FGF14: variants seen among roughly 807,000 people sequenced by gnomAD.
FGF14 encodes the protein fibroblast growth factor homologous factor 4.
A neutral mutation model predicts 25.5 loss-of-function variants in FGF14; 5 were observed. The observed-to-expected ratio is 0.20, with a 90% confidence interval of 0.10 to 0.41. The LOEUF is 0.41. Ranked by LOEUF, FGF14 falls within the 10% of genes least tolerant of loss-of-function variation. The pLI is 1.00. For synonymous variants in FGF14, 138 were observed against 118.3 expected (o/e 1.17, Z -1.08); for missense variants, 222 against 320.1 (o/e 0.69, Z 2.34).
At chr13:101,762,277 C>CTT in intron 3 of FGF14, among the ~76,000 whole-genome samples, 1 of 152,136 alleles carries the variant, frequency 6.6e-6, no homozygotes, top group Non-Finnish European at 1.5e-5. Flanking sequence ...TAGCAAGACA[C>CTT]AAATATGAAA....
At chr13:101,762,472 TCTCA>T (rs1020388301) in intron 3 of FGF14, among the ~76,000 whole-genome samples, 1 of 152,214 alleles carries the variant, frequency 6.6e-6, no homozygotes, top group Non-Finnish European at 1.5e-5. Flanking sequence ...TAATTGTCCT[TCTCA>T]CTCTATCTGC....
At chr13:102,358,711 GA>G (rs1458685947) in intron 1 of FGF14, among the ~76,000 whole-genome samples, 1 of 152,146 alleles carries the variant, frequency 6.6e-6, no homozygotes, top group Non-Finnish European at 1.5e-5. Flanking sequence ...TAAAGATAAT[GA>G]AGATATTGGA....
intron 3 of FGF14, among the ~76,000 whole-genome samples, chr13:101,844,156 T>TA (rs1361112309): frequency 3.3e-5 from 5 of 152,018 alleles, no homozygotes; most frequent in African/African-American, 7.2e-5. Flanking sequence ...CTGAAGCCTC[T>TA]AAAATGCAAC....
intron 1 of FGF14, among the ~76,000 whole-genome samples, chr13:102,325,073 A>G (rs1358131881): frequency 6.6e-6 from 1 of 152,172 alleles, no homozygotes; most frequent in East Asian, 1.9e-4. Flanking sequence ...CCTTGCAATC[A>G]TAGCACATCA....
intron 1 of FGF14, among the ~76,000 whole-genome samples, chr13:102,130,309 G>C (rs1356258957): frequency 6.6e-6 from 1 of 152,142 alleles, no homozygotes; most frequent in Non-Finnish European, 1.5e-5. Context: ...GTGGCTCCAG[G>C]GAAGCTGGGT....
chr13:101,781,614 C>T (rs1455231954), intron 3 of FGF14, among the ~76,000 whole-genome samples: 1 of 152,044 alleles, frequency 6.6e-6, no homozygotes, highest in Admixed American at 6.5e-5. Context: ...AGAGCTGAAG[C>T]CTCTGATTTT....
intron 3 of FGF14, chr13:101,801,868 TAC>T (rs910346844): frequency 8.3e-5 from 28 of 336,504 alleles, no homozygotes; most frequent in Admixed American, 3.0e-4. Context: ...AGCAAAACAG[TAC>T]AGTCAGGATG....
chr13:101,925,334 T>G (rs1007767020), intron 1 of FGF14, among the ~76,000 whole-genome samples: 10 of 152,170 alleles, frequency 6.6e-5, no homozygotes, highest in African/African-American at 2.4e-4. Flanking sequence ...ACCATACACT[T>G]TAATTATATG....
intron 1 of FGF14, among the ~76,000 whole-genome samples, chr13:102,379,805 T>G (rs957715437): frequency 1.3e-5 from 2 of 152,144 alleles, no homozygotes; most frequent in African/African-American, 4.8e-5. Flanking sequence ...AGAAAATATT[T>G]TTTGCTATCA....
intron 1 of FGF14, among the ~76,000 whole-genome samples, chr13:102,307,927 C>T (rs2055489361): frequency 6.6e-6 from 1 of 152,016 alleles, no homozygotes; most frequent in South Asian, 2.1e-4. Context: ...CCAATAGCAC[C>T]CCATTTTCAG....
At chr13:102,068,484 G>T (rs71441536) in intron 1 of FGF14, among the ~76,000 whole-genome samples, 1 of 152,190 alleles carries the variant, frequency 6.6e-6, no homozygotes, top group Non-Finnish European at 1.5e-5. Flanking sequence ...GGAGAGGCGC[G>T]AGCGGGAACC....
intron 1 of FGF14, among the ~76,000 whole-genome samples, chr13:102,126,991 A>G (rs2045975839): frequency 6.6e-6 from 1 of 152,206 alleles, no homozygotes; most frequent in Non-Finnish European, 1.5e-5. Context: ...TTGAGGTAAC[A>G]AGCTGAGTAA....
intron 1 of FGF14, among the ~76,000 whole-genome samples, chr13:102,305,885 G>A (rs1357090821): frequency 3.9e-5 from 6 of 152,272 alleles, no homozygotes; most frequent in African/African-American, 1.2e-4. Flanking sequence ...AAGAACTGCT[G>A]TAAATCTAAA....
intron 1 of FGF14, among the ~76,000 whole-genome samples, chr13:102,275,234 T>TTCTCTCTCTCTCTCCCTC (rs2053456852): frequency 1.5e-5 from 1 of 67,448 alleles, no homozygotes; most frequent in Admixed American, 1.4e-4. Context: ...TTAGGCAGAT[T>TTCTCTCTCTCTCTCCCTC]TCTCTCTCTC....
intron 3 of FGF14, among the ~76,000 whole-genome samples, chr13:101,786,164 A>T (rs1297240224): frequency 6.6e-6 from 1 of 152,140 alleles, no homozygotes; most frequent in Non-Finnish European, 1.5e-5. Flanking sequence ...CACAGATTAG[A>T]CCACACCTTC....
chr13:101,724,743 T>G (rs1414947249), intron 4 of FGF14, among the ~76,000 whole-genome samples: 2 of 150,672 alleles, frequency 1.3e-5, no homozygotes, highest in Admixed American at 1.3e-4. Context: ...AGTTTGAAAT[T>G]AATTTTCCTC....
intron 1 of FGF14, among the ~76,000 whole-genome samples, chr13:102,036,644 G>T (rs2041487457): frequency 6.6e-6 from 1 of 151,908 alleles, no homozygotes; most frequent in Non-Finnish European, 1.5e-5. Flanking sequence ...ACTAAAGTTT[G>T]GATCAAAGAG....
At chr13:101,843,015 G>T (rs1227897291) in intron 3 of FGF14, among the ~76,000 whole-genome samples, 2 of 152,028 alleles carry the variant, frequency 1.3e-5, no homozygotes, top group Non-Finnish European at 2.9e-5. Context: ...ACATACACAC[G>T]ATTGAGGCTT....
chr13:101,880,520 G>A (rs753652650), intron 1 of FGF14, among the ~76,000 whole-genome samples: 6 of 152,208 alleles, frequency 3.9e-5, no homozygotes, highest in African/African-American at 1.4e-4. Flanking sequence ...TGAGCTGAGC[G>A]CACCATTGCA....
Sources: allele counts gnomAD v4.1 joint callset (sites outside exome capture counted in the v4.1 genomes callset), GRCh38; gene constraint gnomAD v4.1.1; transcripts MANE v1.5; gene names NCBI Gene and HGNC (gene_info 2026-07-23, HGNC 2026-07-21).